Variants in GALNTL6 observed in about 807,000 individuals in gnomAD.
GALNTL6 encodes polypeptide N-acetylgalactosaminyltransferase like 6, also known as polypeptide N-acetylgalactosaminyltransferase-like 6.
Under a neutral mutation model 73.7 loss-of-function variants are expected in GALNTL6, and 46 were observed. That is an observed-to-expected ratio of 0.62 (90% CI 0.49 to 0.80). The LOEUF is 0.80. GALNTL6 is among the 30% of genes least tolerant of loss of function. The probability of loss-of-function intolerance (pLI) is 0.00; values close to 1 mark genes in which losing one functional copy is unlikely to be tolerated. For synonymous variants in GALNTL6, 259 were observed against 263.7 expected (o/e 0.98, Z 0.17); for missense variants, 604 against 755.0 (o/e 0.80, Z 2.34).
At chr4:172,677,299 G>T (rs943018750) in intron 5 of GALNTL6, among the ~76,000 whole-genome samples, 1 of 152,196 alleles carries the variant, frequency 6.6e-6, no homozygotes, top group African/African-American at 2.4e-5. Context: ...GGAAATGTGT[G>T]ATTGTGTTGA....
intron 2 of GALNTL6, among the ~76,000 whole-genome samples, chr4:172,020,520 C>T (rs1741365420): frequency 6.6e-6 from 1 of 150,966 alleles, no homozygotes; most frequent in African/African-American, 2.4e-5. Context: ...TCATTAGTGG[C>T]TACTATGAAC....
intron 2 of GALNTL6, among the ~76,000 whole-genome samples, chr4:172,041,356 A>C (rs1742081731): frequency 6.6e-6 from 1 of 152,244 alleles, no homozygotes; most frequent in South Asian, 2.1e-4. Context: ...GCTATCAATT[A>C]TATTAAGAAA....
chr4:172,933,944 A>T (rs1008577401), intron 9 of GALNTL6, among the ~76,000 whole-genome samples: 3 of 152,216 alleles, frequency 2.0e-5, no homozygotes, highest in African/African-American at 7.2e-5. Flanking sequence ...CTTCCAAAAT[A>T]TTTAAACACA....
intron 2 of GALNTL6, among the ~76,000 whole-genome samples, chr4:172,008,850 C>T (rs111558296): frequency 8.6e-5 from 13 of 151,982 alleles, no homozygotes; most frequent in Non-Finnish European, 1.8e-4. Context: ...TTTAGTCTTG[C>T]GAATCTACCT....
At chr4:171,836,360 C>G (rs28687566) in intron 2 of GALNTL6, among the ~76,000 whole-genome samples, 23,829 of 151,842 alleles carry the variant, frequency 0.16, 1,985 homozygotes, top group South Asian at 0.28. Flanking sequence ...CAACAATGAC[C>G]GTTAAACAGT....
At chr4:172,998,072 CAA>C (rs1751877327) in intron 10 of GALNTL6, among the ~76,000 whole-genome samples, 1 of 152,092 alleles carries the variant, frequency 6.6e-6, no homozygotes. Context: ...AGTCCCAGGG[CAA>C]GAGAGAGATG....
At chr4:172,755,206 G>A (rs1008133479) in intron 5 of GALNTL6, among the ~76,000 whole-genome samples, 6 of 148,818 alleles carry the variant, frequency 4.0e-5, no homozygotes, top group East Asian at 2.0e-4. Context: ...CCACTTAGAA[G>A]CCATAAGATA....
At chr4:172,849,210 A>AAG (rs2111104695) in intron 7 of GALNTL6, among the ~76,000 whole-genome samples, 1 of 152,326 alleles carries the variant, frequency 6.6e-6, no homozygotes, top group South Asian at 2.1e-4. Context: ...TTGTAAAAGG[A>AAG]AGACAATTTT....
chr4:172,908,609 AGTGTGTGT>A (rs200044918), intron 8 of GALNTL6, among the ~76,000 whole-genome samples: 6 of 145,870 alleles, frequency 4.1e-5, no homozygotes, highest in African/African-American at 1.3e-4. Context: ...CATGAGCGTG[AGTGTGTGT>A]GTGTGTGTGT....
chr4:172,682,822 C>T (rs1403329306), intron 5 of GALNTL6, among the ~76,000 whole-genome samples: 1 of 151,932 alleles, frequency 6.6e-6, no homozygotes, highest in Non-Finnish European at 1.5e-5. Flanking sequence ...TTTTATTTGG[C>T]CTGAATGTGC....
intron 5 of GALNTL6, among the ~76,000 whole-genome samples, chr4:172,759,695 A>G (rs7694886): frequency 0.15 from 22,332 of 152,042 alleles, 1,897 homozygotes; most frequent in East Asian, 0.26. Context: ...CCATACTCTC[A>G]GGTACACAGG....
At chr4:172,793,773 C>T (rs952827711) in intron 5 of GALNTL6, among the ~76,000 whole-genome samples, 5 of 152,140 alleles carry the variant, frequency 3.3e-5, no homozygotes, top group Admixed American at 2.6e-4. Context: ...CCAACTTTTG[C>T]CTTGGAAGAT....
chr4:172,701,232 C>A lies in GALNTL6; in HGVS notation c.554-108129C>A, dbSNP rs184036358. On this transcript the variant is annotated intron_variant, in intron 5 of 12. Coordinates refer to ENST00000506823, the MANE Select transcript of GALNTL6 (RefSeq NM_001034845.3). The stretch of plus-strand genomic sequence containing the variant: ...GGTTTTACGTCATTAGAACATAGTT[C>A]GGTGAGCCTAGACAGACTTCAGATA... Among the ~76,000 whole-genome samples the A allele has an allele frequency of 6.0e-4, 92 of 152,122 alleles. 1 individual carries two copies. The South Asian group carries it at 0.016, about 26-fold the overall frequency.
intron 2 of GALNTL6, among the ~76,000 whole-genome samples, chr4:171,932,330 C>A (rs1738209808): frequency 6.6e-6 from 1 of 152,170 alleles, no homozygotes; most frequent in South Asian, 2.1e-4. Flanking sequence ...TAACCTGGTA[C>A]GTGCCTTTTT....
At chr4:172,066,838 A>G (rs1232197409) in intron 2 of GALNTL6, among the ~76,000 whole-genome samples, 1 of 152,112 alleles carries the variant, frequency 6.6e-6, no homozygotes, top group East Asian at 1.9e-4. Context: ...ATCCACTTGC[A>G]TGCTCTTATG....
intron 2 of GALNTL6, among the ~76,000 whole-genome samples, chr4:171,850,982 T>C (rs868740073): frequency 2.0e-5 from 3 of 152,310 alleles, no homozygotes; most frequent in Admixed American, 6.5e-5. Flanking sequence ...GGAATATTTA[T>C]ATCGTAGAGC....
intron 11 of GALNTL6, among the ~76,000 whole-genome samples, chr4:173,020,787 T>C (rs930441155): frequency 8.5e-5 from 13 of 152,166 alleles, no homozygotes; most frequent in Admixed American, 5.2e-4. Flanking sequence ...ATTAAGGACT[T>C]TCTGGCCAGG....
intron 10 of GALNTL6, among the ~76,000 whole-genome samples, chr4:172,963,122 A>T (rs1436239369): frequency 6.6e-6 from 1 of 151,968 alleles, no homozygotes; most frequent in East Asian, 1.9e-4. Flanking sequence ...CTCAGGGCCC[A>T]CTGTCCTCGT....
intron 5 of GALNTL6, among the ~76,000 whole-genome samples, chr4:172,445,659 TAG>T (rs890570634): frequency 4.6e-5 from 7 of 152,166 alleles, no homozygotes; most frequent in African/African-American, 7.2e-5. Flanking sequence ...ACAATTATGG[TAG>T]AGAGAGTTCT....
Sources: gnomAD v4.1 joint callset for allele counts (sites outside exome capture counted in the v4.1 genomes callset) on GRCh38, gnomAD v4.1.1 for gene constraint, MANE v1.5 for transcripts, NCBI Gene and HGNC (gene_info 2026-07-23, HGNC 2026-07-21) for gene names.